NEBL: variants seen among roughly 807,000 people sequenced by gnomAD.
NEBL encodes LIM and SH3 protein 2.
NEBL carries 122 observed loss-of-function variants against 140.2 expected under a neutral mutation model. The ratio of observed to expected loss-of-function variants is 0.87; its 90% CI spans 0.75 to 1.01. The LOEUF (loss-of-function observed/expected upper bound fraction) is 1.01. NEBL is among the 50% of genes least tolerant of loss of function. The probability of loss-of-function intolerance (pLI) is 0.00; values close to 1 mark genes in which losing one functional copy is unlikely to be tolerated. For synonymous variants in NEBL, 436 were observed against 398.9 expected (o/e 1.09, Z -1.11); for missense variants, 1,365 against 1,231.3 (o/e 1.11, Z -1.62).
intron 2 of NEBL, among the ~76,000 whole-genome samples, chr10:21,151,965 T>G (rs535438325): frequency 2.0e-5 from 3 of 152,352 alleles, no homozygotes; most frequent in Non-Finnish European, 4.4e-5. Context: ...GCAGGAATTT[T>G]CCTCTACTTT....
chr10:21,141,021 G>A (rs548132108), intron 2 of NEBL, among the ~76,000 whole-genome samples: 5 of 142,952 alleles, frequency 3.5e-5, no homozygotes, highest in African/African-American at 1.3e-4. Flanking sequence ...ATCTAATCAT[G>A]AGGAGACATC....
chr10:21,267,237 A>C (rs952280160), intron 1 of NEBL, among the ~76,000 whole-genome samples: 5 of 152,072 alleles, frequency 3.3e-5, no homozygotes, highest in Non-Finnish European at 7.4e-5. Flanking sequence ...CGGCCTCCCA[A>C]AGTGCTGGGA....
At chr10:20,856,707 C>G (rs1204724902) in intron 9 of NEBL, among the ~76,000 whole-genome samples, 1 of 152,182 alleles carries the variant, frequency 6.6e-6, no homozygotes, top group African/African-American at 2.4e-5. Context: ...ACTGCCAATT[C>G]TGGGCCCTCC....
chr10:21,026,055 G>T (rs1839017251), intron 2 of NEBL, among the ~76,000 whole-genome samples: 1 of 152,182 alleles, frequency 6.6e-6, no homozygotes, highest in Admixed American at 6.5e-5. Context: ...CTCTCATGAA[G>T]TTGCTGCTGG....
Position 20,936,950 on chromosome 10 carries a change from C to T in NEBL, c.357+24722G>A, listed in dbSNP as rs145782063. On this transcript the variant is annotated intron_variant, in intron 4 of 6. Transcript: ENST00000417816. ...AAATGGGACCTTTCATCAAACATCC[C>T]GTTTTTTGCCTGGTATTAATCCGCA... Among the ~76,000 whole-genome samples, 33 of 152,236 alleles carry T rather than the reference C, an allele frequency of 2.2e-4. No homozygotes were observed. The East Asian group carries it at 6.4e-3, about 29-fold the overall frequency.
chr10:21,221,514 CT>C (rs1554833622), intron 3 of NEBL, among the ~76,000 whole-genome samples: 11 of 148,540 alleles, frequency 7.4e-5, no homozygotes, highest in Middle Eastern at 3.5e-3. Flanking sequence ...TTCTTTCTTT[CT>C]TTTTTTTTTG....
At chr10:21,261,438 T>C (rs781684423) in intron 1 of NEBL, among the ~76,000 whole-genome samples, 92 of 151,998 alleles carry the variant, frequency 6.1e-4, no homozygotes, top group Non-Finnish European at 1.0e-3. Flanking sequence ...GGCAGGAGGA[T>C]TGCTTGAGCC....
intron 16 of NEBL, among the ~76,000 whole-genome samples, chr10:20,830,158 G>C (rs1180457817): frequency 1.3e-5 from 2 of 152,178 alleles, no homozygotes; most frequent in Non-Finnish European, 2.9e-5. Flanking sequence ...ATTTGACTCT[G>C]CCATCTTGAT....
intron 14 of NEBL, among the ~76,000 whole-genome samples, chr10:20,833,569 C>T (rs570468978): frequency 6.6e-6 from 1 of 151,944 alleles, no homozygotes; most frequent in Non-Finnish European, 1.5e-5. Flanking sequence ...TCAATTTACA[C>T]TGGATGTGAC....
intron 2 of NEBL, chr10:21,126,081 A>C (rs753018955): frequency 5.6e-6 from 9 of 1,613,956 alleles, no homozygotes; most frequent in Non-Finnish European, 7.6e-6. Context: ...GCTTCCTGGG[A>C]GGCCTCAGGC....
At chr10:20,837,489 G>A (rs962823374) in intron 13 of NEBL, among the ~76,000 whole-genome samples, 14 of 152,194 alleles carry the variant, frequency 9.2e-5, no homozygotes, top group African/African-American at 3.4e-4. Flanking sequence ...TGGTTCATGA[G>A]GTTTAAGGAA....
chr10:20,804,764 G>C (rs1415766971), intron 26 of NEBL, among the ~76,000 whole-genome samples: 1 of 152,162 alleles, frequency 6.6e-6, no homozygotes, highest in Non-Finnish European at 1.5e-5. Flanking sequence ...AATTAGTTCA[G>C]AGCAGTGACC....
At chr10:21,091,604 T>C (rs545929307) in intron 2 of NEBL, among the ~76,000 whole-genome samples, 1 of 152,306 alleles carries the variant, frequency 6.6e-6, no homozygotes, top group East Asian at 1.9e-4. Flanking sequence ...TAATTCATGC[T>C]TAGATTGCTA....
At chr10:21,145,557 G>A (rs1839852982) in intron 2 of NEBL, among the ~76,000 whole-genome samples, 1 of 152,174 alleles carries the variant, frequency 6.6e-6, no homozygotes, top group Admixed American at 6.5e-5. Flanking sequence ...CCTTTTCATA[G>A]CACTTTACAT....
intron 2 of NEBL, among the ~76,000 whole-genome samples, chr10:21,155,165 C>T (rs747253569): frequency 1.3e-5 from 2 of 152,140 alleles, no homozygotes; most frequent in Non-Finnish European, 2.9e-5. Flanking sequence ...CGCCACTGCA[C>T]TCCAGCCTCG....
intron 3 of NEBL, among the ~76,000 whole-genome samples, chr10:21,015,921 G>C (rs932774189): frequency 3.9e-5 from 6 of 152,174 alleles, no homozygotes; most frequent in Admixed American, 2.6e-4. Context: ...CTAAGTCAGG[G>C]CTTTGGATCT....
chr10:21,268,701 T>C (rs948996782), intron 1 of NEBL, among the ~76,000 whole-genome samples: 31 of 151,908 alleles, frequency 2.0e-4, no homozygotes, highest in Non-Finnish European at 3.8e-4. Flanking sequence ...ATTCTGTATT[T>C]TTCAATAGAG....
At chr10:20,868,808 C>T (rs1273610853) in intron 6 of NEBL, 43 bp from the exon 7 acceptor site, 2 of 1,338,028 alleles carry the variant, frequency 1.5e-6, no homozygotes, top group African/African-American at 1.5e-5. Context: ...TTCTACCCTC[C>T]AATGATGAAC....
intron 2 of NEBL, among the ~76,000 whole-genome samples, chr10:21,115,549 C>G (rs1021666878): frequency 6.6e-6 from 1 of 150,812 alleles, no homozygotes; most frequent in East Asian, 2.0e-4. Context: ...TTTTTTCTTT[C>G]AGTGCCTTAA....
Sources: allele counts gnomAD v4.1 joint callset (sites outside exome capture counted in the v4.1 genomes callset), GRCh38; gene constraint gnomAD v4.1.1; transcripts MANE v1.5; gene names NCBI Gene and HGNC (gene_info 2026-07-23, HGNC 2026-07-21).